Variants in NTRK3 observed in about 807,000 individuals in gnomAD.
NTRK3 encodes neurotrophic receptor tyrosine kinase 3.
Under a neutral mutation model 91.7 loss-of-function variants are expected in NTRK3, and 24 were observed. The observed-to-expected ratio is 0.26, with a 90% CI of 0.19 to 0.37. The LOEUF (loss-of-function observed/expected upper bound fraction) is 0.37, where lower values mean the gene tolerates loss of function less well. NTRK3 is among the 10% of genes least tolerant of loss of function. The probability of loss-of-function intolerance (pLI) is 1.00; values close to 1 mark genes in which losing one functional copy is unlikely to be tolerated. For missense variants in NTRK3, 880 were observed against 1,068.9 expected (o/e 0.82, Z 2.46); for synonymous variants, 483 against 404.0 (o/e 1.20, Z -2.34).
chr15:87,985,139 G>A (rs891235236), intron 14 of NTRK3, among the ~76,000 whole-genome samples: 8 of 152,148 alleles, frequency 5.3e-5, no homozygotes, highest in African/African-American at 9.7e-5. Context: ...TATCTCAGAA[G>A]GGGGAGACAG....
At chr15:88,192,134 A>G (rs928226310) in intron 3 of NTRK3, among the ~76,000 whole-genome samples, 3 of 152,228 alleles carry the variant, frequency 2.0e-5, no homozygotes, top group African/African-American at 7.2e-5. Flanking sequence ...GATCAATTCC[A>G]AAGTATTGTG....
chr15:88,111,277 G>A (rs1024886299), intron 13 of NTRK3, among the ~76,000 whole-genome samples: 4 of 152,154 alleles, frequency 2.6e-5, no homozygotes, highest in East Asian at 1.9e-4. Context: ...TGGAATTGAG[G>A]TTTCTACCAG....
chr15:88,134,568 G>C (rs964494121), intron 10 of NTRK3, among the ~76,000 whole-genome samples: 1 of 152,140 alleles, frequency 6.6e-6, no homozygotes, highest in Non-Finnish European at 1.5e-5. Context: ...AGTAGAATGA[G>C]GATCAGGTCA....
intron 14 of NTRK3, among the ~76,000 whole-genome samples, chr15:88,023,404 T>C (rs927093967): frequency 3.3e-5 from 5 of 152,150 alleles, no homozygotes; most frequent in East Asian, 3.9e-4. Context: ...GAAGATAAGA[T>C]TGAAGAAAAA....
chr15:87,894,082 T>C (rs2065981980), intron 17 of NTRK3, among the ~76,000 whole-genome samples: 1 of 152,258 alleles, frequency 6.6e-6, no homozygotes. Flanking sequence ...CTTGATTCCA[T>C]GTCTATTCAC....
intron 13 of NTRK3, among the ~76,000 whole-genome samples, chr15:88,052,971 C>T (rs2045363069): frequency 6.6e-6 from 1 of 152,138 alleles, no homozygotes; most frequent in South Asian, 2.1e-4. Flanking sequence ...TTCTTTGAGC[C>T]TTGGTTTCCT....
intron 3 of NTRK3, among the ~76,000 whole-genome samples, chr15:88,254,275 C>A (rs550184710): frequency 2.2e-4 from 34 of 152,294 alleles, no homozygotes; most frequent in African/African-American, 7.9e-4. Flanking sequence ...CAGTCTCACT[C>A]TGAACCCTTC....
chr15:88,099,874 G>T (rs368089025), intron 13 of NTRK3, among the ~76,000 whole-genome samples: 7 of 152,162 alleles, frequency 4.6e-5, no homozygotes, highest in African/African-American at 1.7e-4. Flanking sequence ...GCATGGACTA[G>T]CCCCACACAC....
chr15:87,968,973 C>A (rs1383307530), intron 14 of NTRK3, among the ~76,000 whole-genome samples: 1 of 152,122 alleles, frequency 6.6e-6, no homozygotes, highest in African/African-American at 2.4e-5. Flanking sequence ...TTTATTTAAC[C>A]TTTTAACATT....
chr15:87,952,282 A>G (rs898111189), intron 14 of NTRK3, among the ~76,000 whole-genome samples: 3 of 151,802 alleles, frequency 2.0e-5, no homozygotes, highest in African/African-American at 7.2e-5. Context: ...GAAAGAAAGA[A>G]AGAAAAGAAA....
intron 17 of NTRK3, among the ~76,000 whole-genome samples, chr15:87,896,086 C>A (rs1023425625): frequency 1.3e-5 from 2 of 152,142 alleles, no homozygotes; most frequent in African/African-American, 4.8e-5. Context: ...AGAGGTACCC[C>A]GACCACATTG....
chr15:87,951,367 T>G (rs1218161850), intron 14 of NTRK3, among the ~76,000 whole-genome samples: 1 of 152,240 alleles, frequency 6.6e-6, no homozygotes, highest in South Asian at 2.1e-4. Context: ...ACAACCTTGC[T>G]GCCTGACTAG....
chr15:87,873,169 C>T (rs1055748733), exon 19 of NTRK3: 4 of 231,936 alleles, frequency 1.7e-5, no homozygotes, highest in East Asian at 6.1e-5. Context: ...GTAGGCATCA[C>T]TAGAGAAGAA....
chr15:88,088,539 G>T lies in NTRK3; in HGVS notation c.1396+37732C>A, dbSNP rs761149983. 9.2e-5 allele frequency among the ~76,000 whole-genome samples: 14 copies of T among 152,236 alleles called. No homozygotes were observed. The South Asian group carries it at 1.9e-3, about 20-fold the overall frequency. On this transcript the variant is annotated intron_variant, in intron 13 of 18. Coordinates refer to ENST00000394480, the Ensembl canonical transcript of NTRK3. ...GTAATTGTAATAACATGTTGTAACAGTAATGTAATATATATAAGGTTAGTG... is the reference window on the plus strand; with the variant it reads ...GTAATTGTAATAACATGTTGTAACATTAATGTAATATATATAAGGTTAGTG...
chr15:88,094,425 C>T (rs1448540594), intron 13 of NTRK3, among the ~76,000 whole-genome samples: 9 of 141,966 alleles, frequency 6.3e-5, no homozygotes, highest in Non-Finnish European at 1.1e-4. Context: ...GCCGAGATTG[C>T]GCCACTGCAG....
intron 14 of NTRK3, among the ~76,000 whole-genome samples, chr15:87,953,983 G>C (rs185578505): frequency 1.0e-3 from 156 of 150,718 alleles, no homozygotes; most frequent in African/African-American, 3.5e-3. Context: ...TTCTGCAGCT[G>C]CTCTGCTCCT....
At chr15:88,073,250 G>A (rs559003056) in intron 13 of NTRK3, among the ~76,000 whole-genome samples, 1 of 152,346 alleles carries the variant, frequency 6.6e-6, no homozygotes, top group Non-Finnish European at 1.5e-5. Flanking sequence ...CCAGCGATCT[G>A]CCTGTTAACA....
chr15:88,027,622 T>A (rs947697717), intron 14 of NTRK3, among the ~76,000 whole-genome samples: 21 of 152,210 alleles, frequency 1.4e-4, no homozygotes, highest in Middle Eastern at 3.4e-3. Flanking sequence ...GACCTCGTGA[T>A]CCCCCCGCCT....
At chr15:88,022,353 G>A (rs570390712) in intron 14 of NTRK3, among the ~76,000 whole-genome samples, 67 of 152,188 alleles carry the variant, frequency 4.4e-4, no homozygotes, top group African/African-American at 1.5e-3. Flanking sequence ...CTTCTTGGGC[G>A]CAACAATAAT....
Sources: gnomAD v4.1 joint callset for allele counts (sites outside exome capture counted in the v4.1 genomes callset) on GRCh38, gnomAD v4.1.1 for gene constraint, MANE v1.5 for transcripts, NCBI Gene and HGNC (gene_info 2026-07-23, HGNC 2026-07-21) for gene names.